The following PMP22 variants were observed in gnomAD, a reference collection of about 807,000 sequenced individuals.
PMP22 encodes the protein peripheral myelin protein 22.
Under a neutral mutation model 18.9 loss-of-function variants are expected in PMP22, and 2 were observed. The observed-to-expected ratio is 0.11, with a 90% CI of 0.04 to 0.33. The LOEUF is 0.33. Among genes scored for constraint, PMP22 ranks in the 10% least tolerant of loss-of-function variants. PMP22 has a pLI of 1.00. For synonymous variants in PMP22, 95 were observed against 89.2 expected (o/e 1.07, Z -0.37); for missense variants, 169 against 202.2 (o/e 0.84, Z 1.00).
intron 2 of PMP22, among the ~76,000 whole-genome samples, chr17:15,260,098 G>A (rs1909184291): frequency 6.6e-6 from 1 of 152,126 alleles, no homozygotes; most frequent in African/African-American, 2.4e-5. Flanking sequence ...CTAATGGGCT[G>A]GACAGTTTTG....
At chr17:15,263,104 C>G (rs1168781987) in intron 1 of PMP22, among the ~76,000 whole-genome samples, 1 of 152,252 alleles carries the variant, frequency 6.6e-6, no homozygotes, top group African/African-American at 2.4e-5. Context: ...TCTGCACCTA[C>G]GAAGCATGCC....
In PMP22 at chr17:15,264,653, CATATACTGCCAGA is replaced by C. The variant is rs1428786172; in HGVS notation, c.-35+488_-35+500del. ...ATAACCACCCAGGTCACAGCCACACCATATACTGCCAGACAGGTAAACCCAACCCATCTGTCCC... is the reference window on the plus strand; with the variant it reads ...ATAACCACCCAGGTCACAGCCACACCCAGGTAAACCCAACCCATCTGTCCC... On this transcript the variant is annotated intron_variant, in intron 1 of 4. Transcript: ENST00000312280. 3.0e-4 allele frequency among the ~76,000 whole-genome samples: 45 copies of C among 152,286 alleles called. No homozygotes were observed. In the Middle Eastern group the frequency reaches 0.017, roughly 58 times the overall value.
At chr17:15,249,451 G>C (rs551508025) in intron 3 of PMP22, among the ~76,000 whole-genome samples, 1 of 152,232 alleles carries the variant, frequency 6.6e-6, no homozygotes, top group African/African-American at 2.4e-5. Context: ...CAACACACTG[G>C]GGGTGCAGAG....
At chr17:15,248,618 G>A (rs1908043010) in intron 3 of PMP22, among the ~76,000 whole-genome samples, 1 of 151,852 alleles carries the variant, frequency 6.6e-6, no homozygotes, top group African/African-American at 2.4e-5. Flanking sequence ...TTATACCCTT[G>A]TTGGAAAACT....
rs754040029 is a variant in PMP22 at position 15,231,092 on chromosome 17, G to A, written c.320-12C>T. Reference sequence around the variant, plus strand: ...CATCACGCACAGACCTGGGGAAGGAGAGGGACAAGCTGGGTGACGGAGAGT... The same window carrying A: ...CATCACGCACAGACCTGGGGAAGGAAAGGGACAAGCTGGGTGACGGAGAGT... On this transcript the variant is annotated splice_polypyrimidine_tract_variant and intron_variant, in intron 4 of 4. Transcript: ENST00000312280. 3 of 1,613,074 alleles carry A rather than the reference G, an allele frequency of 1.9e-6. No homozygotes were observed. Among genetic ancestry groups the A allele is most frequent in the African/African-American group, 2.7e-5 (2 of 74,914 alleles).
chr17:15,249,612 GC>G (rs1421922935), intron 3 of PMP22, among the ~76,000 whole-genome samples: 1 of 152,176 alleles, frequency 6.6e-6, no homozygotes. Flanking sequence ...AGCCTGCCAA[GC>G]CAAACCACTG....
chr17:15,239,606 G>A lies in PMP22; in HGVS notation c.184C>T (p.Leu62=), dbSNP rs764071801. Residue 62 remains leucine, a synonymous_variant, in exon 4 of 5, where the codon CTG becomes TTG. Coordinates refer to ENST00000312280, the MANE Select transcript of PMP22 (RefSeq NM_000304.4). The stretch of plus-strand genomic sequence containing the variant: ...ATCATGGTGGCCTGGACAGACTGCA[G>A]CCATTCTGGGGGAAAGAGACACTTG... ...HCFSSSPNEW[L]QSVQATMILS... 1.2e-6 allele frequency: 2 copies of A among 1,613,950 alleles called. No individual in the cohort carries two copies. The highest frequency in any genetic ancestry group is 1.7e-6 in the Non-Finnish European group (2 of 1,179,892).
intron 1 of PMP22, 112 bp from the exon 2 acceptor site, chr17:15,260,873 G>A (rs1909278082): frequency 8.1e-6 from 6 of 743,460 alleles, no homozygotes; most frequent in Admixed American, 2.4e-5. Context: ...CCCAGCGCCC[G>A]CAGCCCGACC....
intron 3 of PMP22, among the ~76,000 whole-genome samples, chr17:15,251,961 G>T (rs1390306504): frequency 6.6e-6 from 1 of 152,010 alleles, no homozygotes; most frequent in Non-Finnish European, 1.5e-5. Context: ...AACCCTAAGG[G>T]TTGAAATCCT....
chr17:15,260,420 A>G (rs1909214873), intron 2 of PMP22: 1 of 598,160 alleles, frequency 1.7e-6, no homozygotes, highest in Non-Finnish European at 3.0e-6. Context: ...TGGCTTAAAT[A>G]GAGACCTGCG....
chr17:15,230,019 C>G lies in PMP22; in HGVS notation c.*898G>C, dbSNP rs1439048654. ...AGGAGTCTAGACGCTTGTTCTGATG[C>G]TCCGACCGTAAGAAAAATGTGGGAG... On this transcript the variant is annotated 3_prime_UTR_variant, in exon 5 of 5. Coordinates refer to ENST00000312280, the MANE Select transcript of PMP22 (RefSeq NM_000304.4). 6.6e-6 allele frequency: 1 copy of G among 152,608 alleles called. No individual in the cohort carries two copies. Among genetic ancestry groups the G allele is most frequent in the African/African-American group, 2.4e-5 (1 of 41,440 alleles). 9.5% of individuals were successfully genotyped at this position (152,608 alleles called of 1,614,324 possible). A position where few individuals can be genotyped will look rare whatever the true frequency, so the allele number is the denominator to read the frequency against.
At chr17:15,259,414 A>G (rs770917123) in intron 2 of PMP22, among the ~76,000 whole-genome samples, 1 of 152,166 alleles carries the variant, frequency 6.6e-6, no homozygotes, top group Admixed American at 6.5e-5. Context: ...GATGTTTACT[A>G]TAGTAGAAGG....
intron 3 of PMP22, among the ~76,000 whole-genome samples, chr17:15,247,574 G>A (rs1907952181): frequency 6.6e-6 from 1 of 152,176 alleles, no homozygotes; most frequent in Admixed American, 6.5e-5. Context: ...GAGCAGCTGA[G>A]CAATGAAGGA....
At chr17:15,251,231 C>T (rs1012588395) in intron 3 of PMP22, among the ~76,000 whole-genome samples, 1 of 152,178 alleles carries the variant, frequency 6.6e-6, no homozygotes, top group Non-Finnish European at 1.5e-5. Flanking sequence ...AAGGAAGAGG[C>T]CTTCCCTGAG....
chr17:15,241,689 C>T (rs1013319021), intron 3 of PMP22, among the ~76,000 whole-genome samples: 7 of 152,158 alleles, frequency 4.6e-5, no homozygotes, highest in African/African-American at 1.7e-4. Flanking sequence ...CTTCTTGAAA[C>T]ATCTTTCAAC....
chr17:15,252,634 G>A (rs1243936357), intron 3 of PMP22, among the ~76,000 whole-genome samples: 3 of 152,206 alleles, frequency 2.0e-5, no homozygotes, highest in Non-Finnish European at 2.9e-5. Context: ...TCATGCTTTG[G>A]TGTTGAGCAC....
In PMP22 at chr17:15,260,698, G is replaced by C. The variant is rs1275928389; in HGVS notation, c.30C>G (p.Val10=). MLLLLLSII[V]LHVAVLVLLF... ...GCAGCACCAGCACCGCGACGTGGAG[G>C]ACGATGATACTCAGCAACAGGAGGA... Residue 10 remains valine (V), a synonymous_variant, in exon 2 of 5, where the codon GTC becomes GTG. Coordinates refer to ENST00000312280, the MANE Select transcript of PMP22 (RefSeq NM_000304.4). The C allele has an allele frequency of 7.7e-6, 12 of 1,553,640 alleles. No individual in the cohort carries two copies. In the South Asian group the frequency reaches 1.3e-4, roughly 17 times the overall value.
chr17:15,230,842 C>G lies in PMP22; in HGVS notation c.*75G>C, dbSNP rs11545342. The G allele has an allele frequency of 6.5e-7, 1 of 1,545,580 alleles. No individual in the cohort carries two copies. Among genetic ancestry groups the G allele is most frequent in the South Asian group, 1.1e-5 (1 of 88,984 alleles). ...TGGGATTTTGGGCTAGCTCTTTTTT[C>G]TTTGTCTGCTTTCTGTTTTCCCTTC... On this transcript the variant is annotated 3_prime_UTR_variant, in exon 5 of 5. Coordinates refer to ENST00000312280, the MANE Select transcript of PMP22 (RefSeq NM_000304.4).
At chr17:15,253,638 C>G (rs1908560393) in intron 3 of PMP22, among the ~76,000 whole-genome samples, 1 of 152,040 alleles carries the variant, frequency 6.6e-6, no homozygotes, top group Non-Finnish European at 1.5e-5. Context: ...TTGAGATGGT[C>G]TGTGATTCTA....
Sources: allele counts gnomAD v4.1 joint callset (sites outside exome capture counted in the v4.1 genomes callset), GRCh38; gene constraint gnomAD v4.1.1; transcripts MANE v1.5; gene names NCBI Gene and HGNC (gene_info 2026-07-23, HGNC 2026-07-21).